Variants in NEDD4 observed in about 807,000 individuals in gnomAD.
The protein encoded by NEDD4 is E3 ubiquitin-protein ligase NEDD4.
In NEDD4, 99 loss-of-function variants were observed where a neutral mutation model predicts 144.9. The observed-to-expected ratio is 0.68, with a 90% CI of 0.58 to 0.81. The LOEUF (loss-of-function observed/expected upper bound fraction) is 0.81. Among genes scored for constraint, NEDD4 ranks in the 30% least tolerant of loss-of-function variants. NEDD4 has a pLI of 0.00. For synonymous variants in NEDD4, 318 were observed against 350.6 expected, an observed-to-expected ratio of 0.91 and a Z score of 1.04; for missense variants, 985 against 1,065.9, an observed-to-expected ratio of 0.92 and a Z score of 1.06.
intron 12 of NEDD4, 44 bp downstream of exon 12, chr15:55,856,087 G>C (rs1192848984): frequency 3.9e-6 from 6 of 1,523,666 alleles, no homozygotes; most frequent in Non-Finnish European, 5.5e-6. Context: ...AAGAGATGCT[G>C]AGTTTTATAT....
Position 55,850,636 on chromosome 15 carries a change from A to T in NEDD4, c.1253T>A (p.Ile418Asn), listed in dbSNP as rs370009623. Residue 418 changes from isoleucine to asparagine, a missense_variant, in exon 14 of 29, where the codon ATT becomes AAT. Physicochemically the swap from Ile to Asn is moderately radical, Grantham distance 149 (BLOSUM62 -3). Coordinates refer to ENST00000435532, the MANE Select transcript of NEDD4 (RefSeq NM_006154.4). ...GCCTTTAGGAAGGAATCCTTGCTCA[A>T]TTTCAGATGGCTGGGTCACCTGCTG... ...SGQQVTQPSE[I>N]EQGFLPKGWE... 5 of 1,614,022 alleles carry T rather than the reference A, an allele frequency of 3.1e-6. No homozygotes were observed. The African/African-American group carries it at 6.7e-5, about 22-fold the overall frequency.
intron 9 of NEDD4, among the ~76,000 whole-genome samples, chr15:55,862,359 T>C (rs1424234885): frequency 6.6e-6 from 1 of 152,096 alleles, no homozygotes; most frequent in Non-Finnish European, 1.5e-5. Context: ...TAAATGTATA[T>C]ACAGTCTAAT....
At chr15:55,912,164 A>G in intron 5 of NEDD4, among the ~76,000 whole-genome samples, 1 of 152,234 alleles carries the variant, frequency 6.6e-6, no homozygotes, top group East Asian at 1.9e-4. Context: ...ATTGGTTTAT[A>G]TAAGTGCTGC....
intron 5 of NEDD4, among the ~76,000 whole-genome samples, chr15:55,890,164 C>G (rs2035520863): frequency 6.6e-6 from 1 of 152,078 alleles, no homozygotes; most frequent in Non-Finnish European, 1.5e-5. Flanking sequence ...TATATACCTA[C>G]TATGTACCCA....
intron 9 of NEDD4, among the ~76,000 whole-genome samples, chr15:55,861,111 T>C (rs1349780248): frequency 6.6e-6 from 1 of 152,218 alleles, no homozygotes; most frequent in African/African-American, 2.4e-5. Flanking sequence ...TCATAGATTA[T>C]TTCATTGTAT....
intron 12 of NEDD4, 29 bp downstream of exon 12, chr15:55,856,102 A>G: frequency 1.3e-6 from 2 of 1,579,220 alleles, no homozygotes; most frequent in Non-Finnish European, 1.7e-6. Flanking sequence ...TTATATTTTT[A>G]TTGATTGATG....
chr15:55,955,993 A>T (rs796868395), intron 2 of NEDD4, among the ~76,000 whole-genome samples: 2 of 151,500 alleles, frequency 1.3e-5, no homozygotes, highest in East Asian at 3.9e-4. Flanking sequence ...TTTTTCAAAA[A>T]TTTTTTTGTA....
At chr15:55,899,389 A>G (rs752223012) in intron 5 of NEDD4, among the ~76,000 whole-genome samples, 121 of 152,236 alleles carry the variant, frequency 7.9e-4, no homozygotes, top group Non-Finnish European at 1.5e-3. Context: ...TAGCTGATCT[A>G]TAAACAGTTT....
chr15:55,914,859 G>T (rs1278951540), intron 5 of NEDD4, among the ~76,000 whole-genome samples: 1 of 151,820 alleles, frequency 6.6e-6, no homozygotes, highest in African/African-American at 2.4e-5. Context: ...ATTTCATAAT[G>T]ATTAAGAAGA....
intron 4 of NEDD4, among the ~76,000 whole-genome samples, chr15:55,946,579 T>A (rs2037118582): frequency 6.6e-6 from 1 of 152,094 alleles, no homozygotes; most frequent in Admixed American, 6.5e-5. Context: ...CACCCCACTG[T>A]CAACATTAGA....
intron 1 of NEDD4, among the ~76,000 whole-genome samples, chr15:55,982,670 T>A (rs905486003): frequency 5.3e-5 from 8 of 152,234 alleles, no homozygotes; most frequent in Non-Finnish European, 1.0e-4. Flanking sequence ...TGGCTTTACA[T>A]GTTGAAAATC....
chr15:55,838,568 C>T lies in NEDD4; in HGVS notation c.2068G>A (p.Glu690Lys), dbSNP rs781347537. 24 of 1,612,440 alleles carry T rather than the reference C, an allele frequency of 1.5e-5. 2 individuals are homozygous for T. The South Asian group carries it at 2.6e-4, about 18-fold the overall frequency. ...AGGTCCAATTCTGTTGGGTCATTTT[C>T]AAGAATCCATCTTAGGGAATTGTAA... ...EYYNSLRWIL[E>K]NDPTELDLRF... Residue 690 changes from glutamate (E) to lysine (K), a missense_variant, in exon 22 of 29, where the codon GAA (glutamate) becomes AAA (lysine). Coordinates refer to ENST00000435532, the MANE Select transcript of NEDD4 (RefSeq NM_006154.4).
intron 5 of NEDD4, among the ~76,000 whole-genome samples, chr15:55,914,630 A>C (rs1279969625): frequency 6.6e-6 from 1 of 152,002 alleles, no homozygotes; most frequent in African/African-American, 2.4e-5. Flanking sequence ...AAAGAAAAAT[A>C]GGGTGGAAAC....
At chr15:55,991,188 C>T (rs2037984014) in intron 1 of NEDD4, among the ~76,000 whole-genome samples, 2 of 152,200 alleles carry the variant, frequency 1.3e-5, no homozygotes, top group South Asian at 4.2e-4. Flanking sequence ...TGAAAAAGCA[C>T]TTTACTTTTA....
Position 55,863,047 on chromosome 15 carries a change from A to G in NEDD4, c.540T>C (p.Ala180=). The change falls in exon 9 of 29, where the codon GCT becomes GCC. Residue 180 remains alanine (A), a synonymous_variant. Coordinates refer to ENST00000435532, the MANE Select transcript of NEDD4 (RefSeq NM_006154.4). Reference sequence around the variant, plus strand: ...CTTGTTGTTGCTGCAAATGGCAAGCAGCATCTGGTTGGTCCAAAACAACCC... The same window carrying G: ...CTTGTTGTTGCTGCAAATGGCAAGCGGCATCTGGTTGGTCCAAAACAACCC... ...PGWVVLDQPD[A]ACHLQQQQEP... The G allele has an allele frequency of 6.2e-7, 1 of 1,602,400 alleles. No homozygotes were observed. Among genetic ancestry groups the G allele is most frequent in the South Asian group, 1.1e-5 (1 of 89,404 alleles).
chr15:55,976,773 C>T (rs1258892186), intron 1 of NEDD4, among the ~76,000 whole-genome samples: 9 of 149,372 alleles, frequency 6.0e-5, no homozygotes, highest in South Asian at 2.2e-4. Flanking sequence ...GGACTACAGG[C>T]GCCCGCCACC....
intron 1 of NEDD4, among the ~76,000 whole-genome samples, chr15:55,971,624 C>CA (rs59537454): frequency 0.036 from 4,426 of 124,556 alleles, 246 homozygotes; most frequent in African/African-American, 0.12. Context: ...GACTCTGTCT[C>CA]AAAAAAAAAA....
chr15:55,874,065 GT>G, intron 5 of NEDD4, 57 bp from the exon 6 acceptor site: 1 of 986,140 alleles, frequency 1.0e-6, no homozygotes, highest in Non-Finnish European at 1.5e-6. Flanking sequence ...CTTTAGAAGA[GT>G]TTGATGAGAT....
intron 5 of NEDD4, among the ~76,000 whole-genome samples, chr15:55,910,385 T>C (rs184976243): frequency 1.5e-4 from 23 of 152,108 alleles, no homozygotes; most frequent in Middle Eastern, 3.4e-3. Context: ...ACTGTCTGCT[T>C]TCCTCCTTCC....
Sources: allele counts gnomAD v4.1 joint callset (sites outside exome capture counted in the v4.1 genomes callset), GRCh38; gene constraint gnomAD v4.1.1; transcripts MANE v1.5; gene names NCBI Gene and HGNC (gene_info 2026-07-23, HGNC 2026-07-21).